Variants in PAPPA2 observed in about 807,000 individuals in gnomAD.
PAPPA2 encodes pappalysin 2.
In PAPPA2, 86 loss-of-function variants were observed where a neutral mutation model predicts 176.4. That is an observed-to-expected ratio of 0.49 (90% CI 0.41 to 0.58). The LOEUF (loss-of-function observed/expected upper bound fraction) is 0.58, where lower values mean the gene tolerates loss of function less well. Ranked by LOEUF, PAPPA2 falls within the 20% of genes least tolerant of loss-of-function variation. PAPPA2 has a pLI of 0.00. For missense variants in PAPPA2, 2,073 were observed against 2,256.9 expected, an observed-to-expected ratio of 0.92 and a Z score of 1.65; for synonymous variants, 809 against 852.2, an observed-to-expected ratio of 0.95 and a Z score of 0.88.
chr1:176,744,402 C>T (rs1662814267), intron 14 of PAPPA2, among the ~76,000 whole-genome samples: 1 of 152,160 alleles, frequency 6.6e-6, no homozygotes, highest in Admixed American at 6.5e-5. Flanking sequence ...TTGCCATGTC[C>T]AACTACTCCA....
intron 1 of PAPPA2, among the ~76,000 whole-genome samples, chr1:176,510,534 C>CT (rs1309763915): frequency 5.3e-5 from 8 of 152,046 alleles, no homozygotes; most frequent in African/African-American, 1.9e-4. Context: ...ATAAGACATT[C>CT]TTGAGGAAGA....
chr1:176,713,609 C>T lies in PAPPA2; in HGVS notation c.3798+1628C>T, dbSNP rs541497499. On this transcript the variant is annotated intron_variant, in intron 12 of 22. Coordinates refer to ENST00000367662, the MANE Select transcript of PAPPA2 (RefSeq NM_020318.3). ...TTTCAAAACTAGGCTGGGCTTATGA[C>T]CTTTTTGTTTAAAGCATTGCTAATT... is the stretch of plus-strand genomic sequence containing the variant. Among the ~76,000 whole-genome samples, 116 of 152,240 alleles carry T rather than the reference C, an allele frequency of 7.6e-4. 2 individuals are homozygous for T. Among genetic ancestry groups the T allele is most frequent in the South Asian group, 4.8e-3 (23 of 4,820 alleles).
At chr1:176,479,373 T>TA (rs34359634) in intron 1 of PAPPA2, among the ~76,000 whole-genome samples, 12 of 151,898 alleles carry the variant, frequency 7.9e-5, no homozygotes, top group Non-Finnish European at 1.6e-4. Flanking sequence ...ACCAGATCAT[T>TA]AAAAAAAGGC....
chr1:176,815,218 G>A (rs1037991830), intron 21 of PAPPA2, among the ~76,000 whole-genome samples: 4 of 152,102 alleles, frequency 2.6e-5, no homozygotes, highest in Admixed American at 2.6e-4. Flanking sequence ...GTAAATTGCA[G>A]CAAACAGCAT....
intron 3 of PAPPA2, among the ~76,000 whole-genome samples, chr1:176,599,942 A>G (rs1654215373): frequency 6.6e-6 from 1 of 152,102 alleles, no homozygotes. Flanking sequence ...CAGCTCTCTT[A>G]TACTTATTTT....
intron 21 of PAPPA2, among the ~76,000 whole-genome samples, chr1:176,806,831 C>T (rs1030938369): frequency 3.3e-5 from 5 of 152,062 alleles, no homozygotes; most frequent in African/African-American, 1.2e-4. Flanking sequence ...TTTTGCCTTC[C>T]AAGTAGATTT....
intron 2 of PAPPA2, among the ~76,000 whole-genome samples, chr1:176,577,372 C>G (rs1652713406): frequency 6.6e-6 from 1 of 152,134 alleles, no homozygotes; most frequent in African/African-American, 2.4e-5. Context: ...TTCTAGTATC[C>G]TTGCACATGA....
intron 3 of PAPPA2, among the ~76,000 whole-genome samples, chr1:176,612,939 A>G (rs1347995260): frequency 6.6e-6 from 1 of 152,190 alleles, no homozygotes; most frequent in Non-Finnish European, 1.5e-5. Context: ...AACTGAAGAA[A>G]GGACACATCT....
At chr1:176,804,630 T>G (rs559552544) in intron 21 of PAPPA2, among the ~76,000 whole-genome samples, 1 of 152,110 alleles carries the variant, frequency 6.6e-6, no homozygotes, top group Non-Finnish European at 1.5e-5. Context: ...CATACTCTGG[T>G]CTCTATTTTA....
At chr1:176,676,377 T>C (rs889035095) in intron 4 of PAPPA2, among the ~76,000 whole-genome samples, 7 of 151,662 alleles carry the variant, frequency 4.6e-5, no homozygotes, top group Non-Finnish European at 1.0e-4. Flanking sequence ...ACTGTGTACA[T>C]CGACACAATG....
chr1:176,837,757 C>T (rs925327815), intron 21 of PAPPA2, among the ~76,000 whole-genome samples: 1 of 152,184 alleles, frequency 6.6e-6, no homozygotes, highest in African/African-American at 2.4e-5. Flanking sequence ...CTAAGACTGA[C>T]ATCTTTCAGT....
intron 21 of PAPPA2, among the ~76,000 whole-genome samples, chr1:176,816,133 T>G (rs898203744): frequency 1.5e-5 from 2 of 132,286 alleles, no homozygotes; most frequent in African/African-American, 2.8e-5. Context: ...GATCCTGAGA[T>G]TTATTTTCCT....
At chr1:176,543,077 T>A (rs1650444828) in intron 1 of PAPPA2, among the ~76,000 whole-genome samples, 1 of 152,216 alleles carries the variant, frequency 6.6e-6, no homozygotes, top group Admixed American at 6.5e-5. Context: ...CACAACCACC[T>A]ACAACATCTC....
At chr1:176,643,230 A>C (rs542718473) in intron 3 of PAPPA2, among the ~76,000 whole-genome samples, 1 of 151,928 alleles carries the variant, frequency 6.6e-6, no homozygotes, top group Non-Finnish European at 1.5e-5. Context: ...CCAGGGTCAC[A>C]TAGCTAGTAA....
intron 2 of PAPPA2, among the ~76,000 whole-genome samples, chr1:176,578,030 G>T (rs190127190): frequency 4.5e-4 from 68 of 152,260 alleles, no homozygotes; most frequent in South Asian, 2.5e-3. Context: ...CAGAGGTACA[G>T]AGCAGAACTC....
At chr1:176,634,111 A>G (rs993958095) in intron 3 of PAPPA2, among the ~76,000 whole-genome samples, 6 of 152,270 alleles carry the variant, frequency 3.9e-5, no homozygotes, top group Non-Finnish European at 8.8e-5. Context: ...CCAAAGGGAT[A>G]TAAATCATGC....
In PAPPA2 at chr1:176,691,211, TG is replaced by T. The variant is rs1445231512; in HGVS notation, c.2431+783del. Reference sequence around the variant, plus strand: ...AGACTTATTTGATGACCTAGTACAATGGTGAAAGAAGATATTTTTTCTATAA... The same window carrying T: ...AGACTTATTTGATGACCTAGTACAATGTGAAAGAAGATATTTTTTCTATAA... On this transcript the variant is annotated intron_variant, in intron 5 of 22. Coordinates refer to ENST00000367662, the MANE Select transcript of PAPPA2 (RefSeq NM_020318.3). 5.2e-6 allele frequency: 5 copies of T among 962,788 alleles called. No homozygotes were observed. In the African/African-American group the frequency reaches 8.8e-5, roughly 17 times the overall value. The allele number at this position is 962,788 out of a possible 1,614,324, so 59.6% of individuals were successfully genotyped here.
intron 12 of PAPPA2, among the ~76,000 whole-genome samples, chr1:176,716,521 C>A (rs909216716): frequency 6.6e-6 from 1 of 151,716 alleles, no homozygotes; most frequent in African/African-American, 2.4e-5. Flanking sequence ...GCTGGGATAA[C>A]AGGCATGAGC....
In PAPPA2 at chr1:176,585,580, C is replaced by T. The variant is rs183037724; in HGVS notation, c.920-8944C>T. Among the ~76,000 whole-genome samples the T allele has an allele frequency of 2.6e-3, 400 of 152,124 alleles. 2 individuals are homozygous for T. Among genetic ancestry groups the T allele is most frequent in the Non-Finnish European group, 4.4e-3 (302 of 67,986 alleles). On this transcript the variant is annotated intron_variant, in intron 2 of 22. Transcript: ENST00000367662. The stretch of plus-strand genomic sequence containing the variant: ...ATTTCATTAAATAGGTTTCCTTCAC[C>T]TTTTCTCTTTTCTTCTCTTTCTACA...
Sources: allele counts gnomAD v4.1 joint callset (sites outside exome capture counted in the v4.1 genomes callset), GRCh38; gene constraint gnomAD v4.1.1; transcripts MANE v1.5; gene names NCBI Gene and HGNC (gene_info 2026-07-23, HGNC 2026-07-21).